ANP32A: variants seen among roughly 807,000 people sequenced by gnomAD.
ANP32A encodes acidic nuclear phosphoprotein 32 family member A.
In ANP32A, 1 loss-of-function variant was observed where a neutral mutation model predicts 33.9. The observed-to-expected ratio is 0.03, with a 90% CI of 0.01 to 0.14. The LOEUF (loss-of-function observed/expected upper bound fraction) is 0.14. Among genes scored for constraint, ANP32A ranks in the 10% least tolerant of loss-of-function variants. ANP32A has a pLI of 1.00. For synonymous variants in ANP32A, 115 were observed against 120.5 expected, an observed-to-expected ratio of 0.95 and a Z score of 0.30; for missense variants, 155 against 306.0, an observed-to-expected ratio of 0.51 and a Z score of 3.68.
chr15:68,817,697 GCA>G (rs1894403905), intron 1 of ANP32A: 1 of 151,938 alleles, frequency 6.6e-6, no homozygotes, highest in African/African-American at 2.4e-5. Flanking sequence ...GGGGGCATTT[GCA>G]CAGAGGATCG....
At chr15:68,795,915 T>C (rs1259200668) in intron 1 of ANP32A, among the ~76,000 whole-genome samples, 3 of 152,146 alleles carry the variant, frequency 2.0e-5, no homozygotes, top group African/African-American at 4.8e-5. Context: ...AGAGCGTGTA[T>C]AGCTCTTAAA....
chr15:68,820,866 C>A lies in ANP32A; in HGVS notation c.-115G>T, dbSNP rs1894466219. 2.4e-6 allele frequency: 3 copies of A among 1,272,852 alleles called. No homozygotes were observed. The highest frequency in any genetic ancestry group is 3.4e-6 in the Non-Finnish European group (3 of 893,698). 78.8% of individuals were successfully genotyped at this position (1,272,852 alleles called of 1,614,324 possible). A position where few individuals can be genotyped will look rare whatever the true frequency, so the allele number is the denominator to read the frequency against. On this transcript the variant is annotated 5_prime_UTR_variant, in exon 1 of 7. Coordinates refer to ENST00000465139, the MANE Select transcript of ANP32A (RefSeq NM_006305.4). ...AAGGCTCAACCAGCTCCGCTCGGTT[C>A]TCGAGCCCCCAGCACCCGCGGCGCA...
intron 5 of ANP32A, chr15:68,781,133 A>G (rs1353641919): frequency 6.6e-6 from 1 of 152,148 alleles, no homozygotes; most frequent in African/African-American, 2.4e-5. Context: ...AAGTATATGC[A>G]AGTTGAATCT....
chr15:68,815,527 G>A (rs1894369224), intron 1 of ANP32A, among the ~76,000 whole-genome samples: 1 of 152,122 alleles, frequency 6.6e-6, no homozygotes, highest in Non-Finnish European at 1.5e-5. Context: ...TGACTGCAAC[G>A]TTTATATGTA....
rs1325051416 is a variant in ANP32A at position 68,779,848 on chromosome 15, A to G, written c.*233T>C. 3 of 530,372 alleles carry G rather than the reference A, an allele frequency of 5.7e-6. No individual in the cohort carries two copies. Among genetic ancestry groups the G allele is most frequent in the Non-Finnish European group, 1.0e-5 (3 of 299,634 alleles). 32.9% of individuals were successfully genotyped at this position (530,372 alleles called of 1,614,324 possible). On this transcript the variant is annotated 3_prime_UTR_variant, in exon 7 of 7. Transcript: ENST00000465139. ...CAGGGACAAAAACCGGACACAAAGA[A>G]AAAGTAGGGGAAAAAAATAAAGAGT...
At chr15:68,807,209 C>A (rs1894242273) in intron 1 of ANP32A, among the ~76,000 whole-genome samples, 1 of 152,158 alleles carries the variant, frequency 6.6e-6, no homozygotes, top group Non-Finnish European at 1.5e-5. Context: ...GAAAAGGGGA[C>A]CTCTCAGGAG....
chr15:68,806,015 C>G lies in ANP32A; in HGVS notation c.54+14683G>C, dbSNP rs1267327942. 3.9e-5 allele frequency among the ~76,000 whole-genome samples: 6 copies of G among 152,278 alleles called. No individual in the cohort carries two copies. The South Asian group carries it at 1.2e-3, about 32-fold the overall frequency. On this transcript the variant is annotated intron_variant, in intron 1 of 6. Transcript: ENST00000465139. ...ATGATTAGCCAAGCCAAGGGTCAACCAGAAAGACAGGGATTCCAATCTTAC... is the reference window on the plus strand; with the variant it reads ...ATGATTAGCCAAGCCAAGGGTCAACGAGAAAGACAGGGATTCCAATCTTAC...
At chr15:68,786,767 G>T (rs1893938555) in intron 3 of ANP32A, among the ~76,000 whole-genome samples, 1 of 152,172 alleles carries the variant, frequency 6.6e-6, no homozygotes, top group Admixed American at 6.5e-5. Context: ...AATCAGTGAA[G>T]CTTAGGGGAT....
chr15:68,792,131 A>T (rs1324349854), intron 1 of ANP32A: 1 of 144,836 alleles, frequency 6.9e-6, no homozygotes, highest in African/African-American at 2.6e-5. Context: ...CTTTAAAAAG[A>T]AAAAAAAAAA....
chr15:68,798,527 T>A (rs1894091212), intron 1 of ANP32A, among the ~76,000 whole-genome samples: 1 of 152,162 alleles, frequency 6.6e-6, no homozygotes, highest in South Asian at 2.1e-4. Flanking sequence ...GGGTGGAAAC[T>A]AACTCTGTGA....
chr15:68,792,423 A>G (rs1023566331), intron 1 of ANP32A, among the ~76,000 whole-genome samples: 1 of 152,194 alleles, frequency 6.6e-6, no homozygotes, highest in East Asian at 1.9e-4. Flanking sequence ...TGAGGAGGCA[A>G]TGAAGGTTCC....
Position 68,780,085 on chromosome 15 carries a change from T to A in ANP32A, c.746A>T (p.Asp249Val). 1 of 1,613,586 alleles carries A rather than the reference T, an allele frequency of 6.2e-7. No homozygotes were observed. ...REPEDEGEDD[D>V] ...TTTCAAAATAGGTTATTCCACTTAG[T>A]CATCATCTTCTCCCTCATCTTCAGG... is the stretch of plus-strand genomic sequence containing the variant. Residue 249 changes from aspartate to valine, a missense_variant, in exon 7 of 7, where the codon GAC becomes GTC. Physicochemically the swap from Asp to Val is radical, Grantham distance 152 (BLOSUM62 -3). This residue lies in a region of ANP32A where 63 missense variants were observed against 82.8 expected (regional missense o/e 0.76). Coordinates refer to ENST00000465139, the MANE Select transcript of ANP32A (RefSeq NM_006305.4). This position sits in a 1 kb window ranked among gnomAD's most constrained non-coding sequence, Gnocchi z 4.3.
intron 1 of ANP32A, chr15:68,792,237 T>C (rs1188097357): frequency 1.3e-5 from 2 of 152,192 alleles, no homozygotes; most frequent in African/African-American, 2.4e-5. Context: ...TTTTTCCCAA[T>C]TCCACTGACC....
chr15:68,819,618 A>G (rs1189320701), intron 1 of ANP32A, among the ~76,000 whole-genome samples: 1 of 152,184 alleles, frequency 6.6e-6, no homozygotes, highest in East Asian at 1.9e-4. Flanking sequence ...GTGCCCATTT[A>G]TTAAGCAGGC....
chr15:68,787,644 G>A, intron 2 of ANP32A, 109 bp from the exon 3 acceptor site: 1 of 1,595,242 alleles, frequency 6.3e-7, no homozygotes, highest in Non-Finnish European at 8.6e-7. Context: ...GCAGTCTCAG[G>A]CAATTGTCTG....
At chr15:68,813,868 G>GTT (rs34385351) in intron 1 of ANP32A, among the ~76,000 whole-genome samples, 5,579 of 118,262 alleles carry the variant, frequency 0.047, 620 homozygotes, top group African/African-American at 0.15. Flanking sequence ...TTTCCAGGAA[G>GTT]TTTTTTTTTT....
intron 1 of ANP32A, among the ~76,000 whole-genome samples, chr15:68,804,546 C>T (rs1894187278): frequency 6.6e-6 from 1 of 152,166 alleles, no homozygotes; most frequent in Non-Finnish European, 1.5e-5. Flanking sequence ...CTAGTGTCTT[C>T]CCTTGTTTTC....
intron 1 of ANP32A, among the ~76,000 whole-genome samples, chr15:68,792,913 C>T (rs1894016345): frequency 6.6e-6 from 1 of 152,182 alleles, no homozygotes; most frequent in Non-Finnish European, 1.5e-5. Flanking sequence ...CTTCTCACTG[C>T]CTTGGGAAAA....
intron 1 of ANP32A, among the ~76,000 whole-genome samples, chr15:68,813,753 G>A (rs1894341739): frequency 6.6e-6 from 1 of 152,152 alleles, no homozygotes; most frequent in South Asian, 2.1e-4. Flanking sequence ...ATTGGGCCAC[G>A]TTCATTGGGC....
Sources: allele counts gnomAD v4.1 joint callset (sites outside exome capture counted in the v4.1 genomes callset), GRCh38; gene constraint gnomAD v4.1.1; regional missense constraint gnomAD v4.1.1; non-coding constraint Gnocchi (gnomAD v3.1); transcripts MANE v1.5; gene names NCBI Gene and HGNC (gene_info 2026-07-23, HGNC 2026-07-21).